UBE2O: variants seen among roughly 807,000 people sequenced by gnomAD.
UBE2O encodes (E3-independent) E2 ubiquitin-conjugating enzyme.
Under a neutral mutation model 125.8 loss-of-function variants are expected in UBE2O, and 15 were observed. The observed-to-expected ratio is 0.12, with a 90% CI of 0.08 to 0.18. UBE2O has a LOEUF of 0.18. Among genes scored for constraint, UBE2O ranks in the 10% least tolerant of loss-of-function variants. The pLI is 1.00. For missense variants in UBE2O, 1,280 were observed against 1,723.6 expected (o/e 0.74, Z 4.56); for synonymous variants, 708 against 703.2 (o/e 1.01, Z -0.11).
intron 1 of UBE2O, among the ~76,000 whole-genome samples, chr17:76,416,367 C>G (rs953253553): frequency 3.3e-5 from 5 of 152,136 alleles, no homozygotes; most frequent in Non-Finnish European, 5.9e-5. Context: ...TGGGAATCAT[C>G]TGAAAAAGTT....
intron 1 of UBE2O, among the ~76,000 whole-genome samples, chr17:76,407,687 C>T (rs1476495088): frequency 1.3e-5 from 2 of 152,250 alleles, no homozygotes; most frequent in East Asian, 3.8e-4. Context: ...GAGGTGTCAA[C>T]TCTGAGGCTG....
At chr17:76,437,563 A>G (rs569052246) in intron 1 of UBE2O, among the ~76,000 whole-genome samples, 1 of 152,268 alleles carries the variant, frequency 6.6e-6, no homozygotes, top group South Asian at 2.1e-4. Context: ...TATGGTTTAG[A>G]TAACAGTATG....
Position 76,402,004 on chromosome 17 carries a change from T to A in UBE2O, c.750+60A>T. 1 of 1,564,106 alleles carries A rather than the reference T, an allele frequency of 6.4e-7. No individual in the cohort carries two copies. The highest frequency in any genetic ancestry group is 8.7e-7 in the Non-Finnish European group (1 of 1,146,806). On this transcript the variant is annotated intron_variant, in intron 5 of 17. Transcript: ENST00000319380. The surrounding 1 kb of genome is among the most constrained non-coding windows in gnomAD (Gnocchi z 5.4). ...CTGGGTCCAGGTCTTTGCTACGAAG[T>A]CCTCCTTCCAGAGGACTGAGCAATC...
intron 1 of UBE2O, among the ~76,000 whole-genome samples, chr17:76,409,632 G>A: frequency 6.6e-6 from 1 of 152,012 alleles, no homozygotes; most frequent in East Asian, 1.9e-4. Context: ...CTGACCCCAT[G>A]ACCTGCCCTC....
At position 76,396,684 on chromosome 17, in the gene UBE2O, C is replaced by T. The variant is rs1033919692; in HGVS notation, c.2253G>A (p.Glu751=). The part of the protein sequence containing the change: ...WETDNGLVED[E]HPKIEEPPIP... ...TGGGGGGCTCCTCTATCTTGGGGTG[C>T]TCGTCCTCCACCAGCCCATTGTCCG... is the stretch of plus-strand genomic sequence containing the variant. Residue 751 remains glutamate, a synonymous_variant, in exon 14 of 18, where the codon GAG becomes GAA. Coordinates refer to ENST00000319380, the MANE Select transcript of UBE2O (RefSeq NM_022066.4). This position sits in a 1 kb window ranked among gnomAD's most constrained non-coding sequence, Gnocchi z 6.7. 1 of 1,613,864 alleles carries T rather than the reference C, an allele frequency of 6.2e-7. No individual in the cohort carries two copies. Among genetic ancestry groups the T allele is most frequent in the African/African-American group, 1.3e-5 (1 of 75,032 alleles).
In UBE2O at chr17:76,426,287, C is replaced by T. The variant is rs143803675; in HGVS notation, c.418-20715G>A. On this transcript the variant is annotated intron_variant, in intron 1 of 17. Coordinates refer to ENST00000319380, the MANE Select transcript of UBE2O (RefSeq NM_022066.4). ...AAGTGCTGGGATTACAGGCGTGAAC[C>T]ACCATGCCCAGCCAAAAGAACTTTT... Among the ~76,000 whole-genome samples, 788 of 152,328 alleles carry T rather than the reference C, an allele frequency of 5.2e-3. 5 individuals are homozygous for T. The highest frequency in any genetic ancestry group is 0.018 in the African/African-American group (756 of 41,564).
rs2143722419 is a variant in UBE2O at position 76,403,701 on chromosome 17, C to T, written c.589-1002G>A. ...AAGAGCCAAGTAGCAATTAGCACAC[C>T]TAGCATCCAGATCTTGGGTTTTAAA... On this transcript the variant is annotated intron_variant, in intron 3 of 17. Transcript: ENST00000319380. Among the ~76,000 whole-genome samples, 3 of 152,252 alleles carry T rather than the reference C, an allele frequency of 2.0e-5. No homozygotes were observed. The Middle Eastern group carries it at 0.01, about 518-fold the overall frequency.
chr17:76,434,795 A>G (rs867924428), intron 1 of UBE2O, among the ~76,000 whole-genome samples: 1 of 118,562 alleles, frequency 8.4e-6, no homozygotes, highest in Non-Finnish European at 1.7e-5. Context: ...TTTTTTTTTT[A>G]AAAAAACAAA....
chr17:76,420,883 C>A (rs1180525017), intron 1 of UBE2O, among the ~76,000 whole-genome samples: 1 of 152,134 alleles, frequency 6.6e-6, no homozygotes, highest in Non-Finnish European at 1.5e-5. Flanking sequence ...TTGTCACTCA[C>A]CCCCCTAGAC....
intron 1 of UBE2O, among the ~76,000 whole-genome samples, chr17:76,415,607 C>A (rs1278538510): frequency 6.6e-6 from 1 of 152,136 alleles, no homozygotes; most frequent in African/African-American, 2.4e-5. Context: ...GAGTTGCAGA[C>A]CAGCCTGGCC....
intron 1 of UBE2O, among the ~76,000 whole-genome samples, chr17:76,445,879 G>A (rs538570102): frequency 6.6e-6 from 1 of 152,112 alleles, no homozygotes; most frequent in African/African-American, 2.4e-5. Context: ...AATTCCGAAC[G>A]GGCACTCTTG....
rs1482438000 is a variant in UBE2O at position 76,404,557 on chromosome 17, GAA to G, written c.588+647_588+648del. Among the ~76,000 whole-genome samples, 2 of 152,246 alleles carry G rather than the reference GAA, an allele frequency of 1.3e-5. No individual in the cohort carries two copies. The highest frequency in any genetic ancestry group is 1.5e-5 in the Non-Finnish European group (1 of 68,036). On this transcript the variant is annotated intron_variant, in intron 3 of 17. Transcript: ENST00000319380. This position sits in a 1 kb window ranked among gnomAD's most constrained non-coding sequence, Gnocchi z 4.3. ...AATTGGGTCCTGGATCCGCAAAGAA[GAA>G]AAGAGTAGTGTTGGGACAACTGCAT...
Position 76,398,623 on chromosome 17 carries a change from TC to T in UBE2O, c.1784-40del. 1 of 1,598,272 alleles carries T rather than the reference TC, an allele frequency of 6.3e-7. No individual in the cohort carries two copies. Among genetic ancestry groups the T allele is most frequent in the Non-Finnish European group, 8.6e-7 (1 of 1,167,260 alleles). ...GAAAGGGAAGTGACTAGCTAAGGGATCCCGGCTAAGGAGCCCACATCTCAAG... is the reference window on the plus strand; with the variant it reads ...GAAAGGGAAGTGACTAGCTAAGGGATCCGGCTAAGGAGCCCACATCTCAAG... On this transcript the variant is annotated intron_variant, in intron 10 of 17. Transcript: ENST00000319380. The surrounding 1 kb of genome is among the most constrained non-coding windows in gnomAD (Gnocchi z 5.4).
chr17:76,428,633 T>C (rs187226581), intron 1 of UBE2O, among the ~76,000 whole-genome samples: 1 of 152,340 alleles, frequency 6.6e-6, no homozygotes, highest in Non-Finnish European at 1.5e-5. Context: ...CCTTCCATAC[T>C]GGAAGCTTTC....
intron 1 of UBE2O, among the ~76,000 whole-genome samples, chr17:76,408,384 T>C (rs2072459743): frequency 6.6e-6 from 1 of 152,208 alleles, no homozygotes; most frequent in South Asian, 2.1e-4. Context: ...GCCATGCTCA[T>C]TTTGCAGATA....
At position 76,398,171 on chromosome 17, in the gene UBE2O, G is replaced by A; in HGVS notation, c.2025+84C>T. 4 of 1,585,850 alleles carry A rather than the reference G, an allele frequency of 2.5e-6. No individual in the cohort carries two copies. The highest frequency in any genetic ancestry group is 3.5e-6 in the Non-Finnish European group (4 of 1,159,026). ...GAGGACTTTCAGGTCTTGTCTCCTA[G>A]AGCCACCTGGTGGCAGCATCAGGGA... On this transcript the variant is annotated intron_variant, in intron 12 of 17. Transcript: ENST00000319380. The surrounding 1 kb of genome is among the most constrained non-coding windows in gnomAD (Gnocchi z 5.4).
intron 1 of UBE2O, among the ~76,000 whole-genome samples, chr17:76,447,599 G>A (rs1234897826): frequency 2.0e-5 from 3 of 152,152 alleles, no homozygotes; most frequent in African/African-American, 7.2e-5. Context: ...CCTCCTGGAG[G>A]ACGGCCGGGG....
intron 1 of UBE2O, among the ~76,000 whole-genome samples, chr17:76,443,812 A>G (rs1331442196): frequency 6.6e-6 from 1 of 152,180 alleles, no homozygotes; most frequent in African/African-American, 2.4e-5. Context: ...AAGAAAAGAG[A>G]GGTCTTTGGA....
intron 1 of UBE2O, among the ~76,000 whole-genome samples, chr17:76,450,773 C>CA (rs1402555068): frequency 1.3e-5 from 2 of 152,156 alleles, no homozygotes; most frequent in Admixed American, 1.3e-4. Context: ...AGGCATGCGC[C>CA]ACCAAGCCCA....
Sources: allele counts gnomAD v4.1 joint callset (sites outside exome capture counted in the v4.1 genomes callset), GRCh38; gene constraint gnomAD v4.1.1; non-coding constraint Gnocchi (gnomAD v3.1); transcripts MANE v1.5; gene names NCBI Gene and HGNC (gene_info 2026-07-23, HGNC 2026-07-21).